SLC22A23: variants seen among roughly 807,000 people sequenced by gnomAD.
SLC22A23 encodes ion transporter protein.
Under a neutral mutation model 61.0 loss-of-function variants are expected in SLC22A23, and 26 were observed. That is an observed-to-expected ratio of 0.43 (90% CI 0.31 to 0.59). The LOEUF (loss-of-function observed/expected upper bound fraction) is 0.59, where lower values mean the gene tolerates loss of function less well. SLC22A23 is among the 20% of genes least tolerant of loss of function. The probability of loss-of-function intolerance (pLI) is 0.11; values close to 1 mark genes in which losing one functional copy is unlikely to be tolerated. For missense variants in SLC22A23, 796 were observed against 934.7 expected, an observed-to-expected ratio of 0.85 and a Z score of 1.94; for synonymous variants, 430 against 413.9, an observed-to-expected ratio of 1.04 and a Z score of -0.47.
rs4395771 is a variant in SLC22A23 at position 3,304,544 on chromosome 6, G to A, written c.1083-6326C>T. On this transcript the variant is annotated intron_variant, in intron 4 of 9. Transcript: ENST00000406686. This position sits in a 1 kb window ranked among gnomAD's most constrained non-coding sequence, Gnocchi z 4.3. Reference sequence around the variant, plus strand: ...ATTGTTTTTTTCTAATACATACTGAGCATTGTCACTACAAATCCATCTGAA... The same window carrying A: ...ATTGTTTTTTTCTAATACATACTGAACATTGTCACTACAAATCCATCTGAA... Among the ~76,000 whole-genome samples, 9,007 of 152,248 alleles carry A rather than the reference G, an allele frequency of 0.059. 521 individuals carry two copies. Among genetic ancestry groups the A allele is most frequent in the East Asian group, 0.24 (1,253 of 5,176 alleles).
intron 3 of SLC22A23, among the ~76,000 whole-genome samples, chr6:3,378,818 C>T (rs957115930): frequency 2.0e-5 from 3 of 151,962 alleles, no homozygotes; most frequent in South Asian, 2.1e-4. Flanking sequence ...CCACCACACC[C>T]GGCTAATTTT....
chr6:3,455,777 G>C, intron 1 of SLC22A23, 129 bp downstream of exon 1: 1 of 1,142,704 alleles, frequency 8.8e-7, no homozygotes, highest in Non-Finnish European at 1.2e-6. Flanking sequence ...AGGAGATTAA[G>C]CCAATGCGGA....
At chr6:3,419,188 C>T (rs1428857220) in intron 1 of SLC22A23, among the ~76,000 whole-genome samples, 3 of 152,136 alleles carry the variant, frequency 2.0e-5, no homozygotes, top group African/African-American at 7.2e-5. Context: ...TTGTCTCTGA[C>T]GTTACCCTAG....
intron 7 of SLC22A23, among the ~76,000 whole-genome samples, chr6:3,285,990 C>T (rs940978515): frequency 6.6e-6 from 1 of 152,102 alleles, no homozygotes; most frequent in African/African-American, 2.4e-5. Flanking sequence ...CCTGGGCTGG[C>T]CACGGAGATG....
intron 3 of SLC22A23, among the ~76,000 whole-genome samples, chr6:3,368,974 T>C (rs773363634): frequency 6.6e-6 from 1 of 152,158 alleles, no homozygotes; most frequent in Non-Finnish European, 1.5e-5. Flanking sequence ...GATGAGCTAA[T>C]TAAAATTCAA....
intron 3 of SLC22A23, among the ~76,000 whole-genome samples, chr6:3,352,746 G>A (rs1398528504): frequency 2.0e-5 from 3 of 152,132 alleles, no homozygotes; most frequent in Non-Finnish European, 4.4e-5. Flanking sequence ...GTCGCTTACA[G>A]GTGTTCAAAA....
At chr6:3,365,067 CCAA>C (rs1765717526) in intron 3 of SLC22A23, among the ~76,000 whole-genome samples, 1 of 152,174 alleles carries the variant, frequency 6.6e-6, no homozygotes, top group African/African-American at 2.4e-5. Context: ...GCCTGTAATC[CCAA>C]CACTTTGGGA....
chr6:3,312,565 C>A (rs1007729799), intron 4 of SLC22A23: 2 of 152,204 alleles, frequency 1.3e-5, no homozygotes, highest in African/African-American at 2.4e-5. Flanking sequence ...TTAGCCAATT[C>A]TGATGGCTGA....
In SLC22A23 at chr6:3,338,813, A is replaced by C. The variant is rs1442222208; in HGVS notation, c.914-14811T>G. ...AATTAAACGTGGCAGCACTGAGTTT[A>C]ATTATGTAAGATGATGTCACCTTTG... On this transcript the variant is annotated intron_variant, in intron 3 of 9. Transcript: ENST00000406686. 2.6e-5 allele frequency among the ~76,000 whole-genome samples: 4 copies of C among 152,236 alleles called. 1 individual carries two copies. The highest frequency in any genetic ancestry group is 9.6e-5 in the African/African-American group (4 of 41,458).
At chr6:3,418,638 C>T (rs13199900) in intron 1 of SLC22A23, among the ~76,000 whole-genome samples, 19,988 of 152,232 alleles carry the variant, frequency 0.13, 1,553 homozygotes, top group Non-Finnish European at 0.17. Context: ...TGGGCTTCCC[C>T]CTGGGGAGGG....
At chr6:3,307,049 C>T (rs1762027682) in intron 4 of SLC22A23, among the ~76,000 whole-genome samples, 1 of 152,218 alleles carries the variant, frequency 6.6e-6, no homozygotes, top group African/African-American at 2.4e-5. Context: ...AAGTAGGATG[C>T]TTGCCAACTT....
Position 3,320,791 on chromosome 6 carries a change from C to T in SLC22A23, c.1082+3043G>A, listed in dbSNP as rs148987401. Among the ~76,000 whole-genome samples the T allele has an allele frequency of 6.6e-5, 10 of 152,188 alleles. No homozygotes were observed. In the East Asian group the frequency reaches 1.9e-3, roughly 29 times the overall value. ...CACTTTTTAACCTGCCCCATTACAC[C>T]CAGACTCCTATATATATATTAAGAG... On this transcript the variant is annotated intron_variant, in intron 4 of 9. Transcript: ENST00000406686.
intron 9 of SLC22A23, among the ~76,000 whole-genome samples, chr6:3,275,015 T>C (rs1201883614): frequency 6.6e-6 from 1 of 151,638 alleles, no homozygotes; most frequent in Non-Finnish European, 1.5e-5. Flanking sequence ...TGCAAAAGAC[T>C]CAGAGTAGTC....
chr6:3,374,024 A>G (rs1766399048), intron 3 of SLC22A23, among the ~76,000 whole-genome samples: 1 of 152,256 alleles, frequency 6.6e-6, no homozygotes, highest in South Asian at 2.1e-4. Flanking sequence ...TATCTGCCCA[A>G]GGTCACAAGG....
chr6:3,441,184 G>C (rs973736643), intron 1 of SLC22A23, among the ~76,000 whole-genome samples: 9 of 152,202 alleles, frequency 5.9e-5, no homozygotes, highest in African/African-American at 2.2e-4. Flanking sequence ...TGGTTTTCAA[G>C]AGGCATTGAG....
rs938256044 is a variant in SLC22A23, at chr6:3,372,373, G to T, written c.913+37815C>A. ...GATGCACGAAGGTCTAAGCCTGCAGGCTCCTCCTGCTGGCTGTGCTGGGAA... is the reference window on the plus strand; with the variant it reads ...GATGCACGAAGGTCTAAGCCTGCAGTCTCCTCCTGCTGGCTGTGCTGGGAA... On this transcript the variant is annotated intron_variant, in intron 3 of 9. Coordinates refer to ENST00000406686, the MANE Select transcript of SLC22A23 (RefSeq NM_015482.2). This position sits in a 1 kb window ranked among gnomAD's most constrained non-coding sequence, Gnocchi z 4.7. Among the ~76,000 whole-genome samples the T allele has an allele frequency of 6.6e-6, 1 of 152,238 alleles. No individual in the cohort carries two copies. The highest frequency in any genetic ancestry group is 1.5e-5 in the Non-Finnish European group (1 of 68,038).
intron 4 of SLC22A23, among the ~76,000 whole-genome samples, chr6:3,316,130 T>C (rs1223851816): frequency 6.6e-6 from 1 of 152,236 alleles, no homozygotes; most frequent in African/African-American, 2.4e-5. Flanking sequence ...GTGATGCTGA[T>C]GCTGCTGGCC....
At chr6:3,437,983 C>T (rs1258424941) in intron 1 of SLC22A23, among the ~76,000 whole-genome samples, 2 of 152,010 alleles carry the variant, frequency 1.3e-5, no homozygotes, top group Non-Finnish European at 2.9e-5. Flanking sequence ...CAGACAGGCT[C>T]CTGTGGGAAC....
chr6:3,410,042 C>T lies in SLC22A23; in HGVS notation c.913+146G>A. The T allele has an allele frequency of 1.1e-6, 1 of 886,606 alleles. No individual in the cohort carries two copies. Among genetic ancestry groups the T allele is most frequent in the Non-Finnish European group, 1.7e-6 (1 of 600,804 alleles). The allele number at this position is 886,606 out of a possible 1,614,324, so 54.9% of individuals were successfully genotyped here. A position where few individuals can be genotyped will look rare whatever the true frequency, so the allele number is the denominator to read the frequency against. On this transcript the variant is annotated intron_variant, in intron 3 of 9. Coordinates refer to ENST00000406686, the MANE Select transcript of SLC22A23 (RefSeq NM_015482.2). This position sits in a 1 kb window ranked among gnomAD's most constrained non-coding sequence, Gnocchi z 5.0. Reference sequence around the variant, plus strand: ...ACGGCATCACCTGAAAAGCCTCTTTCACAACACTTGAGGCCTTTAATGTTT... The same window carrying T: ...ACGGCATCACCTGAAAAGCCTCTTTTACAACACTTGAGGCCTTTAATGTTT...
Sources: allele counts gnomAD v4.1 joint callset (sites outside exome capture counted in the v4.1 genomes callset), GRCh38; gene constraint gnomAD v4.1.1; non-coding constraint Gnocchi (gnomAD v3.1); transcripts MANE v1.5; gene names NCBI Gene and HGNC (gene_info 2026-07-23, HGNC 2026-07-21).